Variants in SRGAP1 observed in about 807,000 individuals in gnomAD.
SRGAP1 encodes SLIT-ROBO Rho GTPase-activating protein 1.
Under a neutral mutation model 121.9 loss-of-function variants are expected in SRGAP1, and 43 were observed. That is an observed-to-expected ratio of 0.35 (90% confidence interval 0.28 to 0.46). The LOEUF (loss-of-function observed/expected upper bound fraction) is 0.46. Among genes scored for constraint, SRGAP1 ranks in the 20% least tolerant of loss-of-function variants. SRGAP1 has a pLI of 1.00. For missense variants in SRGAP1, 1,102 were observed against 1,350.9 expected (o/e 0.82, Z 2.89); for synonymous variants, 447 against 485.4 (o/e 0.92, Z 1.04).
At chr12:64,106,599 C>T (rs545799297) in intron 15 of SRGAP1, among the ~76,000 whole-genome samples, 1 of 152,304 alleles carries the variant, frequency 6.6e-6, no homozygotes, top group South Asian at 2.1e-4. Context: ...AAACAGCTTA[C>T]TCTGGGACAT....
intron 1 of SRGAP1, among the ~76,000 whole-genome samples, chr12:63,845,829 A>G (rs910024256): frequency 1.3e-5 from 2 of 152,202 alleles, no homozygotes; most frequent in Admixed American, 6.5e-5. Context: ...GTTCTTTGAC[A>G]CATTCAATGC....
At chr12:64,127,104 C>T (rs1202822844) in intron 19 of SRGAP1, among the ~76,000 whole-genome samples, 1 of 152,180 alleles carries the variant, frequency 6.6e-6, no homozygotes, top group Non-Finnish European at 1.5e-5. Context: ...CACCATGTAG[C>T]CTAGGTGTGC....
At chr12:64,141,354 G>C (rs558932937) in intron 21 of SRGAP1, among the ~76,000 whole-genome samples, 1 of 152,040 alleles carries the variant, frequency 6.6e-6, no homozygotes, top group East Asian at 1.9e-4. Context: ...GGCCAAGGCA[G>C]GCGGATCATG....
chr12:63,866,692 A>T (rs911870515), intron 1 of SRGAP1, among the ~76,000 whole-genome samples: 19 of 151,374 alleles, frequency 1.3e-4, no homozygotes, highest in Admixed American at 1.3e-3. Flanking sequence ...TATTGAACAA[A>T]TGGGATCGTT....
chr12:63,932,974 G>C (rs2031532838), intron 1 of SRGAP1, among the ~76,000 whole-genome samples: 1 of 152,172 alleles, frequency 6.6e-6, no homozygotes. Context: ...CAGATCATGA[G>C]ATCAAGAGAT....
chr12:64,056,495 G>T (rs1235043009), intron 6 of SRGAP1, among the ~76,000 whole-genome samples: 1 of 146,752 alleles, frequency 6.8e-6, no homozygotes, highest in Non-Finnish European at 1.5e-5. Context: ...GGAGGTTGCA[G>T]TGAGCTGAGA....
intron 1 of SRGAP1, among the ~76,000 whole-genome samples, chr12:63,947,540 C>A (rs969747002): frequency 2.0e-5 from 3 of 152,138 alleles, no homozygotes; most frequent in Non-Finnish European, 2.9e-5. Context: ...TAGAACTATC[C>A]ATTGAAGACT....
intron 1 of SRGAP1, among the ~76,000 whole-genome samples, chr12:63,867,733 C>T (rs1268063698): frequency 6.6e-6 from 1 of 151,716 alleles, no homozygotes; most frequent in Non-Finnish European, 1.5e-5. Context: ...TTACTACTAC[C>T]AGAAGCTATG....
chr12:63,908,914 C>T (rs1211749802), intron 1 of SRGAP1, among the ~76,000 whole-genome samples: 5 of 150,656 alleles, frequency 3.3e-5, no homozygotes, highest in Admixed American at 1.3e-4. Flanking sequence ...TTTTTTTAGA[C>T]GAAGTCTCAC....
At chr12:64,100,593 G>A (rs907309717) in intron 15 of SRGAP1, among the ~76,000 whole-genome samples, 7 of 152,138 alleles carry the variant, frequency 4.6e-5, no homozygotes, top group Non-Finnish European at 8.8e-5. Context: ...TTTCATAAAT[G>A]TTGAGTAGTC....
intron 1 of SRGAP1, among the ~76,000 whole-genome samples, chr12:63,980,884 G>A (rs140137944): frequency 0.014 from 2,171 of 152,140 alleles, 66 homozygotes; most frequent in African/African-American, 0.048. Flanking sequence ...GTGAACCACC[G>A]CACCTGGCCT....
intron 16 of SRGAP1, among the ~76,000 whole-genome samples, chr12:64,111,534 C>A (rs2036430307): frequency 6.6e-6 from 1 of 151,962 alleles, no homozygotes; most frequent in African/African-American, 2.4e-5. Flanking sequence ...TATATTAAAC[C>A]CCCTCCTGAC....
At chr12:63,881,738 A>G (rs1385302768) in intron 1 of SRGAP1, among the ~76,000 whole-genome samples, 1 of 152,212 alleles carries the variant, frequency 6.6e-6, no homozygotes, top group Non-Finnish European at 1.5e-5. Flanking sequence ...TAGAGTACCA[A>G]TAGCAGTTGT....
intron 1 of SRGAP1, among the ~76,000 whole-genome samples, chr12:63,973,750 AT>A (rs937848187): frequency 9.2e-5 from 14 of 152,072 alleles, no homozygotes; most frequent in South Asian, 2.1e-4. Context: ...AAAGTTTTTC[AT>A]TTTTTTTCTT....
At chr12:64,116,122 T>C (rs2036517152) in intron 18 of SRGAP1, 2 of 456,486 alleles carry the variant, frequency 4.4e-6, no homozygotes, top group East Asian at 8.7e-5. Context: ...CCAGGCGTGG[T>C]GATGTGCACC....
chr12:64,031,402 C>A (rs571190439), intron 4 of SRGAP1, among the ~76,000 whole-genome samples: 3 of 150,732 alleles, frequency 2.0e-5, no homozygotes, highest in African/African-American at 7.3e-5. Flanking sequence ...TAAATTCTTA[C>A]AGAATTTAGT....
chr12:64,101,085 T>A (rs2036245841), intron 15 of SRGAP1, among the ~76,000 whole-genome samples: 1 of 152,172 alleles, frequency 6.6e-6, no homozygotes, highest in Non-Finnish European at 1.5e-5. Flanking sequence ...ACAAAGATTT[T>A]GAAATTTTAG....
chr12:63,979,145 T>G (rs1342819740), intron 1 of SRGAP1, among the ~76,000 whole-genome samples: 2 of 141,924 alleles, frequency 1.4e-5, no homozygotes, highest in Non-Finnish European at 3.0e-5. Flanking sequence ...GTTCAAGCAA[T>G]TCTCCTCCCT....
In SRGAP1 at chr12:64,094,477, A is replaced by G. The variant is rs576017584; in HGVS notation, c.1540-455A>G. ...CTCTGTAACAATTCTCATATTATGC[A>G]TCTATAGATATATAGATATGGAAGC... On this transcript the variant is annotated intron_variant, in intron 12 of 21. Coordinates refer to ENST00000355086, the MANE Select transcript of SRGAP1 (RefSeq NM_020762.4). Among the ~76,000 whole-genome samples, 6 of 152,334 alleles carry G rather than the reference A, an allele frequency of 3.9e-5. No individual in the cohort carries two copies. In the South Asian group the frequency reaches 1.2e-3, roughly 32 times the overall value.
Sources: allele counts gnomAD v4.1 joint callset (sites outside exome capture counted in the v4.1 genomes callset), GRCh38; gene constraint gnomAD v4.1.1; transcripts MANE v1.5; gene names NCBI Gene and HGNC (gene_info 2026-07-23, HGNC 2026-07-21).